MAN1A1: variants seen among roughly 807,000 people sequenced by gnomAD.
The protein encoded by MAN1A1 is mannosyl-oligosaccharide 1,2-alpha-mannosidase IA.
MAN1A1 carries 29 observed loss-of-function variants against 70.8 expected under a neutral mutation model. The ratio of observed to expected loss-of-function variants is 0.41; its 90% CI spans 0.31 to 0.56. MAN1A1 has a LOEUF of 0.56. Among genes scored for constraint, MAN1A1 ranks in the 20% least tolerant of loss-of-function variants. The pLI is 0.29. For synonymous variants in MAN1A1, 349 were observed against 330.1 expected, an observed-to-expected ratio of 1.06 and a Z score of -0.62; for missense variants, 747 against 841.3, an observed-to-expected ratio of 0.89 and a Z score of 1.39.
intron 8 of MAN1A1, 38 bp from the exon 9 acceptor site, chr6:119,193,930 C>A: frequency 7.3e-7 from 1 of 1,360,570 alleles, no homozygotes; most frequent in Non-Finnish European, 1.0e-6. Flanking sequence ...AGTGATTCAG[C>A]TTTTAATTCA....
intron 6 of MAN1A1, 121 bp downstream of exon 6, chr6:119,248,139 C>T: frequency 1.5e-6 from 1 of 652,978 alleles, no homozygotes; most frequent in Middle Eastern, 3.3e-4. Flanking sequence ...TCTCAAGACT[C>T]CCAGTGGAGT....
In MAN1A1 at chr6:119,348,786, C is replaced by T. The variant is rs1311117813; in HGVS notation, c.280G>A (p.Ala94Thr). 30 of 1,410,602 alleles carry T rather than the reference C, an allele frequency of 2.1e-5. No homozygotes were observed. Among genetic ancestry groups the T allele is most frequent in the Non-Finnish European group, 2.8e-5 (30 of 1,081,944 alleles). The allele number at this position is 1,410,602 out of a possible 1,614,324, so 87.4% of individuals were successfully genotyped here. The change falls in exon 2 of 13, where the codon GCC becomes ACC. Residue 94 changes from alanine (A) to threonine (T), a missense_variant. By Grantham distance (58) the Ala-to-Thr change is moderately conservative. This residue lies in a region of MAN1A1 where 328 missense variants were observed against 293.1 expected (regional missense o/e 1.12). Transcript: ENST00000368468. ...ADHKPGPGAR[A>T]EDAAEGRARR... ...GCTCGCCCCTCGGCCGCGTCCTCGG[C>T]GCGCGCCCCGGGCCCGGGCTTGTGG...
Position 119,194,918 on chromosome 6 carries a change from C to T in MAN1A1, c.1211-1026G>A, listed in dbSNP as rs180978087. Among the ~76,000 whole-genome samples the T allele has an allele frequency of 1.9e-3, 295 of 151,912 alleles. 1 individual carries two copies. Among genetic ancestry groups the T allele is most frequent in the African/African-American group, 6.5e-3 (271 of 41,414 alleles). On this transcript the variant is annotated intron_variant, in intron 8 of 12. Transcript: ENST00000368468. ...TGCGATCTCGGCTCATGGCAACCTC[C>T]GCCTCCCAGGTTCAAGCTATTCTCC...
intron 2 of MAN1A1, among the ~76,000 whole-genome samples, chr6:119,342,408 T>C (rs1215029318): frequency 1.3e-5 from 2 of 152,222 alleles, no homozygotes; most frequent in East Asian, 1.9e-4. Flanking sequence ...GCATTTGTTG[T>C]GTGCCCACTT....
At chr6:119,204,728 T>C (rs755181156) in intron 7 of MAN1A1, 31 bp downstream of exon 7, 13 of 1,612,402 alleles carry the variant, frequency 8.1e-6, no homozygotes, top group African/African-American at 6.7e-5. Flanking sequence ...AAGTGTTGCT[T>C]TGCAGGCCAA....
chr6:119,290,338 T>G (rs1309120819), intron 5 of MAN1A1, among the ~76,000 whole-genome samples: 1 of 151,972 alleles, frequency 6.6e-6, no homozygotes, highest in Non-Finnish European at 1.5e-5. Context: ...TTAAAATAAT[T>G]CTCAAAGAAA....
At chr6:119,249,222 A>C (rs1775252132) in intron 5 of MAN1A1, among the ~76,000 whole-genome samples, 1 of 152,166 alleles carries the variant, frequency 6.6e-6, no homozygotes, top group Non-Finnish European at 1.5e-5. Context: ...CCTCCCTGAC[A>C]AAAAGGGGAT....
intron 8 of MAN1A1, among the ~76,000 whole-genome samples, chr6:119,195,125 C>G (rs1773536031): frequency 6.6e-6 from 1 of 152,184 alleles, no homozygotes; most frequent in Admixed American, 6.5e-5. Flanking sequence ...AGGCACTGCG[C>G]CTGGCCCAGA....
At chr6:119,205,943 A>G (rs1339872775) in intron 6 of MAN1A1, among the ~76,000 whole-genome samples, 1 of 152,212 alleles carries the variant, frequency 6.6e-6, no homozygotes, top group Non-Finnish European at 1.5e-5. Flanking sequence ...AATAGTTCCA[A>G]TCACACATGA....
chr6:119,309,099 G>A (rs767692305), intron 2 of MAN1A1, among the ~76,000 whole-genome samples: 8 of 152,268 alleles, frequency 5.3e-5, no homozygotes, highest in East Asian at 3.9e-4. Context: ...TAGAAAAGAC[G>A]AAAATGATGT....
intron 6 of MAN1A1, among the ~76,000 whole-genome samples, chr6:119,246,374 TA>T (rs1775167426): frequency 6.6e-6 from 1 of 152,142 alleles, no homozygotes; most frequent in Non-Finnish European, 1.5e-5. Flanking sequence ...GGAAATTGTG[TA>T]AAAATCCATG....
chr6:119,274,056 T>C (rs1339373161), intron 5 of MAN1A1, among the ~76,000 whole-genome samples: 1 of 152,164 alleles, frequency 6.6e-6, no homozygotes, highest in Non-Finnish European at 1.5e-5. Flanking sequence ...GAGATTTCAC[T>C]ATGGGTTGGA....
At position 119,179,210 on chromosome 6, in the gene MAN1A1, T is replaced by C. The variant is rs1241442184; in HGVS notation, c.*609A>G. 6.6e-6 allele frequency: 1 copy of C among 152,588 alleles called. No homozygotes were observed. The highest frequency in any genetic ancestry group is 6.5e-5 in the Admixed American group (1 of 15,282). 9.5% of individuals were successfully genotyped at this position (152,588 alleles called of 1,614,324 possible). ...AAAATATACTGCAGTTCCGATGAAA[T>C]GAGGTCAACATGACATGATCCTTTT... On this transcript the variant is annotated 3_prime_UTR_variant, in exon 13 of 13. Coordinates refer to ENST00000368468, the MANE Select transcript of MAN1A1 (RefSeq NM_005907.4).
intron 6 of MAN1A1, among the ~76,000 whole-genome samples, chr6:119,232,612 T>A (rs1276309030): frequency 6.6e-6 from 1 of 151,976 alleles, no homozygotes; most frequent in Non-Finnish European, 1.5e-5. Flanking sequence ...ATTATAAAAT[T>A]GGATATTCAT....
chr6:119,293,676 C>T (rs1772116073), intron 4 of MAN1A1, among the ~76,000 whole-genome samples: 1 of 152,086 alleles, frequency 6.6e-6, no homozygotes, highest in Non-Finnish European at 1.5e-5. Context: ...TTTGAGGTCT[C>T]TTTCAGTATT....
intron 5 of MAN1A1, among the ~76,000 whole-genome samples, chr6:119,274,660 T>C (rs1009016561): frequency 2.6e-5 from 4 of 151,752 alleles, no homozygotes; most frequent in African/African-American, 9.7e-5. Context: ...GCTGAATGTA[T>C]ACCTTAACTG....
In MAN1A1 at chr6:119,201,625, C is replaced by T. The variant is rs540300120; in HGVS notation, c.1117-278G>A. Among the ~76,000 whole-genome samples, 209 of 152,208 alleles carry T rather than the reference C, an allele frequency of 1.4e-3. 5 individuals are homozygous for T. Among genetic ancestry groups the T allele is most frequent in the South Asian group, 2.1e-4 (1 of 4,818 alleles). Reference sequence around the variant, plus strand: ...GTGCATCCTAGTGGGACGGGACAGACAATAAATCAATAAGTCTAGTCATGT... The same window carrying T: ...GTGCATCCTAGTGGGACGGGACAGATAATAAATCAATAAGTCTAGTCATGT... On this transcript the variant is annotated intron_variant, in intron 7 of 12. Coordinates refer to ENST00000368468, the MANE Select transcript of MAN1A1 (RefSeq NM_005907.4).
intron 3 of MAN1A1, 112 bp from the exon 4 acceptor site, chr6:119,302,215 AAT>A (rs2114441586): frequency 1.8e-6 from 1 of 556,942 alleles, no homozygotes; most frequent in East Asian, 2.8e-5. Flanking sequence ...AATAAGCAAT[AAT>A]ATTAAACATA....
chr6:119,350,505 C>T (rs1562253736), upstream of MAN1A1: 2 of 985,078 alleles, frequency 2.0e-6, no homozygotes, highest in Non-Finnish European at 2.4e-6. Context: ...CCCGCCCACC[C>T]GTACTTTCAC....
Sources: gnomAD v4.1 joint callset for allele counts (sites outside exome capture counted in the v4.1 genomes callset) on GRCh38, gnomAD v4.1.1 for gene constraint, gnomAD v4.1.1 regional missense constraint, MANE v1.5 for transcripts, NCBI Gene and HGNC (gene_info 2026-07-23, HGNC 2026-07-21) for gene names.